SPTSSA: variants seen among roughly 807,000 people sequenced by gnomAD.
SPTSSA encodes the protein serine palmitoyltransferase small subunit A.
SPTSSA carries 8 observed loss-of-function variants against 9.1 expected under a neutral mutation model. The ratio of observed to expected loss-of-function variants is 0.88; its 90% CI spans 0.51 to 1.58. SPTSSA has a LOEUF of 1.58. SPTSSA is among the 40% of genes most tolerant of loss of function. The pLI is 0.00. For missense variants in SPTSSA, 100 were observed against 93.8 expected, an observed-to-expected ratio of 1.07 and a Z score of -0.27; for synonymous variants, 42 against 37.7, an observed-to-expected ratio of 1.11 and a Z score of -0.41.
chr14:34,459,493 T>C (rs1032083071), intron 1 of SPTSSA, among the ~76,000 whole-genome samples: 4 of 138,894 alleles, frequency 2.9e-5, no homozygotes, highest in Non-Finnish European at 6.2e-5. Flanking sequence ...AGAAGAAAAT[T>C]AATCTGGCCA....
intron 1 of SPTSSA, among the ~76,000 whole-genome samples, chr14:34,454,841 C>A (rs780126244): frequency 6.6e-6 from 1 of 152,174 alleles, no homozygotes; most frequent in Non-Finnish European, 1.5e-5. Flanking sequence ...AATCCCAGAA[C>A]TTTGGGAGGC....
chr14:34,452,289 A>G (rs1170287769), intron 1 of SPTSSA, among the ~76,000 whole-genome samples: 1 of 151,824 alleles, frequency 6.6e-6, no homozygotes, highest in East Asian at 1.9e-4. Context: ...TCCTAGATAT[A>G]TCAACTATCT....
intron 1 of SPTSSA, among the ~76,000 whole-genome samples, chr14:34,451,696 C>G (rs1157726251): frequency 7.7e-6 from 1 of 129,874 alleles, no homozygotes; most frequent in Non-Finnish European, 1.5e-5. Flanking sequence ...CCTGCCTGGG[C>G]GACAGAACGA....
intron 1 of SPTSSA, among the ~76,000 whole-genome samples, chr14:34,460,204 T>C (rs1878588630): frequency 6.6e-6 from 1 of 152,238 alleles, no homozygotes; most frequent in African/African-American, 2.4e-5. Context: ...CTGATAGTAA[T>C]TCAAGACTGG....
chr14:34,447,857 A>C (rs1160656173), intron 1 of SPTSSA, among the ~76,000 whole-genome samples: 1 of 152,218 alleles, frequency 6.6e-6, no homozygotes, highest in Non-Finnish European at 1.5e-5. Context: ...AAATCTTTTA[A>C]CCAAATTCAT....
chr14:34,438,921 T>G lies in SPTSSA; in HGVS notation c.113-3617A>C, dbSNP rs186539119. ...TGTCTATAAGACAGCACTTATAGGA[T>G]TCTAAGGCAAGTATTCAAGGACTTT... On this transcript the variant is annotated intron_variant, in intron 1 of 1. Transcript: ENST00000298130. 2.4e-4 allele frequency among the ~76,000 whole-genome samples: 37 copies of G among 152,296 alleles called. No individual in the cohort carries two copies. The East Asian group carries it at 3.7e-3, about 15-fold the overall frequency.
At chr14:34,445,935 C>T (rs565359570) in intron 1 of SPTSSA, among the ~76,000 whole-genome samples, 1 of 152,166 alleles carries the variant, frequency 6.6e-6, no homozygotes, top group Non-Finnish European at 1.5e-5. Context: ...TCCCATATTA[C>T]TGGGAAGACA....
At chr14:34,450,636 A>G (rs577967404) in intron 1 of SPTSSA, among the ~76,000 whole-genome samples, 2 of 152,294 alleles carry the variant, frequency 1.3e-5, no homozygotes, top group East Asian at 3.9e-4. Flanking sequence ...CAAAAACTAA[A>G]AAATGGGCTG....
In SPTSSA at chr14:34,452,226, A is replaced by T. The variant is rs56159351; in HGVS notation, c.112+9870T>A. 2.6e-3 allele frequency among the ~76,000 whole-genome samples: 385 copies of T among 149,640 alleles called. 1 individual carries two copies. The highest frequency in any genetic ancestry group is 8.9e-3 in the African/African-American group (356 of 40,172). On this transcript the variant is annotated intron_variant, in intron 1 of 1. Transcript: ENST00000298130. ...GCGCCACTGCACTCCAGCCTGAGCAACAGAGTGAGACTCAATCTCAAAAAA... is the reference window on the plus strand; with the variant it reads ...GCGCCACTGCACTCCAGCCTGAGCATCAGAGTGAGACTCAATCTCAAAAAA...
rs376936239 is a variant in SPTSSA at position 34,435,184 on chromosome 14, T to G, written c.*17A>C. ...TGGGTCTTCCCCAAGGAACCTCTGA[T>G]CCTGGTCGCATCTTGGTCATTGTAC... On this transcript the variant is annotated 3_prime_UTR_variant, in exon 2 of 2. Transcript: ENST00000298130. 1 of 1,605,164 alleles carries G rather than the reference T, an allele frequency of 6.2e-7. No homozygotes were observed. Among genetic ancestry groups the G allele is most frequent in the Non-Finnish European group, 8.5e-7 (1 of 1,173,020 alleles).
At chr14:34,439,615 A>G (rs1306607023) in intron 1 of SPTSSA, among the ~76,000 whole-genome samples, 2 of 152,220 alleles carry the variant, frequency 1.3e-5, no homozygotes, top group African/African-American at 2.4e-5. Flanking sequence ...TCCTACTTGC[A>G]GTCATATTAC....
intron 1 of SPTSSA, among the ~76,000 whole-genome samples, chr14:34,442,151 C>T (rs1832921853): frequency 6.6e-6 from 1 of 152,204 alleles, no homozygotes; most frequent in East Asian, 1.9e-4. Flanking sequence ...GCTGCCATTA[C>T]AGGTGTGAGC....
At chr14:34,457,802 C>T (rs1484013206) in intron 1 of SPTSSA, among the ~76,000 whole-genome samples, 4 of 151,540 alleles carry the variant, frequency 2.6e-5, no homozygotes, top group Non-Finnish European at 5.9e-5. Flanking sequence ...TGAAACCCCA[C>T]CTCAACTAAA....
intron 1 of SPTSSA, among the ~76,000 whole-genome samples, chr14:34,442,404 G>T (rs927163527): frequency 6.6e-6 from 1 of 152,192 alleles, no homozygotes; most frequent in Non-Finnish European, 1.5e-5. Context: ...CTCATAGTAG[G>T]CTCTGGAGGG....
chr14:34,439,271 C>T (rs777171276), intron 1 of SPTSSA, among the ~76,000 whole-genome samples: 3 of 152,100 alleles, frequency 2.0e-5, no homozygotes, highest in Non-Finnish European at 4.4e-5. Context: ...GAGGACAATA[C>T]TCTAGAGAAA....
intron 1 of SPTSSA, among the ~76,000 whole-genome samples, chr14:34,443,134 G>GGT (rs376742613): frequency 0.024 from 900 of 36,950 alleles, 101 homozygotes; most frequent in Middle Eastern, 0.053. Context: ...TGCTTCTAGG[G>GGT]GTGTGTGTGT....
Position 34,451,703 on chromosome 14 carries a change from A to G in SPTSSA, c.112+10393T>C, listed in dbSNP as rs140729263. Among the ~76,000 whole-genome samples, 1,151 of 147,232 alleles carry G rather than the reference A, an allele frequency of 7.8e-3. 5 individuals are homozygous for G. Among genetic ancestry groups the G allele is most frequent in the Middle Eastern group, 0.038 (11 of 290 alleles). Reference sequence around the variant, plus strand: ...ACTGCACTCCTGCCTGGGCGACAGAACGAGACTCTGTTTCAAAAAAAAAAA... The same window carrying G: ...ACTGCACTCCTGCCTGGGCGACAGAGCGAGACTCTGTTTCAAAAAAAAAAA... On this transcript the variant is annotated intron_variant, in intron 1 of 1. Transcript: ENST00000298130.
chr14:34,440,884 A>C (rs1338645454), intron 1 of SPTSSA, among the ~76,000 whole-genome samples: 1 of 140,356 alleles, frequency 7.1e-6, no homozygotes, highest in Admixed American at 7.1e-5. Flanking sequence ...TCCATCTCAC[A>C]AAAAAAAAAA....
intron 1 of SPTSSA, among the ~76,000 whole-genome samples, chr14:34,456,622 G>A (rs1396065882): frequency 3.3e-5 from 5 of 152,012 alleles, no homozygotes; most frequent in Admixed American, 3.3e-4. Context: ...ATTAGGCCAG[G>A]CGCGGTAGCT....
Sources: allele counts gnomAD v4.1 joint callset (sites outside exome capture counted in the v4.1 genomes callset), GRCh38; gene constraint gnomAD v4.1.1; transcripts MANE v1.5; gene names NCBI Gene and HGNC (gene_info 2026-07-23, HGNC 2026-07-21).